Variants in RAB27B observed in about 807,000 individuals in gnomAD.
RAB27B encodes RAB27B, member RAS oncogene family.
In RAB27B, 15 loss-of-function variants were observed where a neutral mutation model predicts 24.6. The observed-to-expected ratio is 0.61, with a 90% CI of 0.41 to 0.94. The LOEUF (loss-of-function observed/expected upper bound fraction) is 0.94. Ranked by LOEUF, RAB27B falls within the 40% of genes least tolerant of loss-of-function variation. The pLI is 0.00. For synonymous variants in RAB27B, 105 were observed against 92.5 expected, an observed-to-expected ratio of 1.14 and a Z score of -0.78; for missense variants, 261 against 266.8, an observed-to-expected ratio of 0.98 and a Z score of 0.15.
chr18:54,766,137 A>T (rs1955842564), intron 2 of RAB27B, among the ~76,000 whole-genome samples: 1 of 152,224 alleles, frequency 6.6e-6, no homozygotes. Flanking sequence ...TGTAATTGTT[A>T]CATGGAATAA....
Position 54,779,802 on chromosome 18 carries a change from A to G in RAB27B, c.-20+61661A>G, listed in dbSNP as rs190657868. Reference sequence around the variant, plus strand: ...TTAAACAGCAGATATTTACTTTGTCATAGTTCTGGAGGCTGGAAATCCAAG... The same window carrying G: ...TTAAACAGCAGATATTTACTTTGTCGTAGTTCTGGAGGCTGGAAATCCAAG... On this transcript the variant is annotated intron_variant, in intron 2 of 4. Coordinates refer to the RAB27B transcript ENST00000586570. Among the ~76,000 whole-genome samples the G allele has an allele frequency of 3.3e-3, 507 of 152,322 alleles. 1 individual carries two copies. Among genetic ancestry groups the G allele is most frequent in the Non-Finnish European group, 6.0e-3 (411 of 68,026 alleles).
intron 1 of RAB27B, among the ~76,000 whole-genome samples, chr18:54,844,408 CTTTTTTT>C (rs148747981): frequency 6.5e-5 from 7 of 107,880 alleles, no homozygotes; most frequent in South Asian, 3.2e-4. Flanking sequence ...CTTTTCTTTT[CTTTTTTT>C]TTTTTTTTTT....
At chr18:54,754,026 T>C (rs1057419855) in intron 2 of RAB27B, among the ~76,000 whole-genome samples, 1 of 152,200 alleles carries the variant, frequency 6.6e-6, no homozygotes, top group African/African-American at 2.4e-5. Flanking sequence ...GTACCCTTGT[T>C]TAAAAAATGC....
intron 1 of RAB27B, among the ~76,000 whole-genome samples, chr18:54,875,539 AG>A (rs72500026): frequency 0.72 from 97,014 of 135,090 alleles, 32,717 homozygotes; most frequent in East Asian, 0.8. Flanking sequence ...TGCTTTGTCT[AG>A]GTTTTTTTTT....
chr18:54,782,133 G>T (rs1908937442), intron 2 of RAB27B, among the ~76,000 whole-genome samples: 1 of 152,204 alleles, frequency 6.6e-6, no homozygotes, highest in Non-Finnish European at 1.5e-5. Context: ...TGTGCTCAGG[G>T]TAAAGAAATT....
At chr18:54,765,088 A>AC (rs1568057477) in intron 2 of RAB27B, among the ~76,000 whole-genome samples, 4 of 145,274 alleles carry the variant, frequency 2.8e-5, no homozygotes, top group Non-Finnish European at 3.1e-5. Context: ...ACAAAAAAAA[A>AC]CAAAAAAACA....
Position 54,884,350 on chromosome 18 carries a change from C to T in RAB27B, c.257C>T (p.Thr86Ile), listed in dbSNP as rs1340086222. ...CTTGGCAGGTTCCGGAGTCTCACCA[C>T]TGCATTTTTCAGAGACGCCATGGGC... ...AGQERFRSLT[T>I]AFFRDAMGFL... Residue 86 changes from threonine (T) to isoleucine (I), a missense_variant, in exon 4 of 6, where the codon ACT (threonine) becomes ATT (isoleucine). Physicochemically the swap from Thr to Ile is moderately conservative, Grantham distance 89 (BLOSUM62 -1). Coordinates refer to ENST00000262094, the MANE Select transcript of RAB27B (RefSeq NM_004163.4). 6.2e-7 allele frequency: 1 copy of T among 1,612,068 alleles called. No individual in the cohort carries two copies. The highest frequency in any genetic ancestry group is 8.5e-7 in the Non-Finnish European group (1 of 1,178,360).
At chr18:54,866,237 C>T (rs1291764886) in intron 1 of RAB27B, among the ~76,000 whole-genome samples, 4 of 152,058 alleles carry the variant, frequency 2.6e-5, no homozygotes, top group Non-Finnish European at 5.9e-5. Context: ...CAGTGTGACT[C>T]TCAGGGGATC....
chr18:54,720,397 A>G (rs1180735170), intron 2 of RAB27B, among the ~76,000 whole-genome samples: 1 of 152,120 alleles, frequency 6.6e-6, no homozygotes, highest in Non-Finnish European at 1.5e-5. Flanking sequence ...AATAGTTCCA[A>G]TAAATAGTAA....
At chr18:54,728,897 A>ACC in intron 2 of RAB27B, among the ~76,000 whole-genome samples, 1 of 90,602 alleles carries the variant, frequency 1.1e-5, no homozygotes, top group Non-Finnish European at 2.4e-5. Context: ...AAAAAAAAAA[A>ACC]AAACCCAAAA....
In RAB27B at chr18:54,889,472, G is replaced by T; in HGVS notation, c.*59G>T. The T allele has an allele frequency of 1.4e-6, 2 of 1,441,112 alleles. No individual in the cohort carries two copies. Among genetic ancestry groups the T allele is most frequent in the South Asian group, 2.8e-5 (2 of 70,224 alleles). The allele number at this position is 1,441,112 out of a possible 1,614,324, so 89.3% of individuals were successfully genotyped here. On this transcript the variant is annotated 3_prime_UTR_variant, in exon 6 of 6. Transcript: ENST00000262094. ...CCAAAATATTACTTTTAAAAACAAT[G>T]ACAAACCACACAATTGTTGTTGAGT...
At chr18:54,792,288 C>T (rs963889082) in intron 2 of RAB27B, among the ~76,000 whole-genome samples, 7 of 152,260 alleles carry the variant, frequency 4.6e-5, no homozygotes, top group Admixed American at 3.9e-4. Flanking sequence ...CGAGCCACAC[C>T]CCCATCGCAT....
At chr18:54,877,519 GA>G in intron 1 of RAB27B, 47 bp from the exon 2 acceptor site, 1 of 1,292,764 alleles carries the variant, frequency 7.7e-7, no homozygotes, top group Non-Finnish European at 1.0e-6. Flanking sequence ...TAAAGCAAAG[GA>G]AAATCAACTT....
At chr18:54,799,775 G>A (rs558612555) in intron 2 of RAB27B, among the ~76,000 whole-genome samples, 16 of 151,782 alleles carry the variant, frequency 1.1e-4, no homozygotes, top group South Asian at 2.1e-4. Flanking sequence ...GATTACAGGC[G>A]TCCACCACCA....
At chr18:54,818,261 C>T (rs892639352) in intron 2 of RAB27B, among the ~76,000 whole-genome samples, 18 of 152,172 alleles carry the variant, frequency 1.2e-4, no homozygotes, top group African/African-American at 4.1e-4. Context: ...TAAGACAGGG[C>T]TTAATCTGGG....
chr18:54,792,180 G>A (rs1909269419), intron 2 of RAB27B, among the ~76,000 whole-genome samples: 1 of 152,178 alleles, frequency 6.6e-6, no homozygotes, highest in African/African-American at 2.4e-5. Flanking sequence ...TCAGGAGCTG[G>A]AAACATTCAC....
chr18:54,728,064 G>C (rs199552286), intron 2 of RAB27B, among the ~76,000 whole-genome samples: 1 of 152,152 alleles, frequency 6.6e-6, no homozygotes, highest in African/African-American at 2.4e-5. Flanking sequence ...GAAATAGAGG[G>C]GAGACTGAGC....
chr18:54,783,481 T>TGTGTGTGTGTG (rs1908980504), intron 2 of RAB27B, among the ~76,000 whole-genome samples: 60 of 149,788 alleles, frequency 4.0e-4, no homozygotes, highest in African/African-American at 1.4e-3. Context: ...GCCTATGGCT[T>TGTGTGTGTGTG]TGTGTGTGTG....
At chr18:54,828,855 T>C (rs1244854757) in intron 1 of RAB27B, among the ~76,000 whole-genome samples, 155 bp downstream of exon 1, 1 of 152,044 alleles carries the variant, frequency 6.6e-6, no homozygotes, top group Non-Finnish European at 1.5e-5. Flanking sequence ...CCAGCAGAAA[T>C]CCTTGCAAAG....
Sources: allele counts gnomAD v4.1 joint callset (sites outside exome capture counted in the v4.1 genomes callset), GRCh38; gene constraint gnomAD v4.1.1; transcripts MANE v1.5; gene names NCBI Gene and HGNC (gene_info 2026-07-23, HGNC 2026-07-21).